Variants in CPT1A observed in about 807,000 individuals in gnomAD.
CPT1A encodes the protein carnitine O-palmitoyltransferase 1, liver isoform.
In CPT1A, 64 loss-of-function variants were observed where a neutral mutation model predicts 100.8. The ratio of observed to expected loss-of-function variants is 0.63; its 90% CI spans 0.52 to 0.78. CPT1A has a LOEUF of 0.78. CPT1A is among the 30% of genes least tolerant of loss of function. The pLI, the probability that CPT1A is intolerant of heterozygous loss-of-function variation, is 0.00. For synonymous variants in CPT1A, 363 were observed against 396.0 expected, an observed-to-expected ratio of 0.92 and a Z score of 0.99; for missense variants, 802 against 1,034.1, an observed-to-expected ratio of 0.78 and a Z score of 3.08.
chr11:68,807,807 C>T (rs1213800020), intron 3 of CPT1A, among the ~76,000 whole-genome samples, 169 bp from the exon 4 acceptor site: 1 of 152,248 alleles, frequency 6.6e-6, no homozygotes, highest in Admixed American at 6.5e-5. Context: ...TCTTAAAACA[C>T]TCACGGGCAC....
intron 9 of CPT1A, among the ~76,000 whole-genome samples, chr11:68,786,560 C>T (rs1226015752): frequency 6.6e-6 from 1 of 152,160 alleles, no homozygotes; most frequent in African/African-American, 2.4e-5. Flanking sequence ...GACGGAGTCT[C>T]GCTCTTATTG....
At chr11:68,827,726 C>A (rs1403402259) in intron 1 of CPT1A, among the ~76,000 whole-genome samples, 2 of 152,054 alleles carry the variant, frequency 1.3e-5, no homozygotes, top group Non-Finnish European at 2.9e-5. Flanking sequence ...CCCCAGAATG[C>A]GGGGCTCATC....
rs1177976460 is a variant in CPT1A, at chr11:68,838,571, T to TAAAAAAAAAAAAAAAAAAAAAAAAA, written c.-14+3203_-14+3204insTTTTTTTTTTTTTTTTTTTTTTTTT. 9.4e-5 allele frequency among the ~76,000 whole-genome samples: 7 copies of TAAAAAAAAAAAAAAAAAAAAAAAAA among 74,236 alleles called. 2 individuals are homozygous for TAAAAAAAAAAAAAAAAAAAAAAAAA. The highest frequency in any genetic ancestry group is 4.7e-4 in the South Asian group (1 of 2,144). 48.7% of individuals were successfully genotyped at this position (74,236 alleles called of 152,430 possible). On this transcript the variant is annotated intron_variant, in intron 1 of 18. Transcript: ENST00000265641. ...GACTCTACTCTGTATCTGCACCTTT[T>TAAAAAAAAAAAAAAAAAAAAAAAAA]TAAAAAAAAAAAAAAAAAAACAGAG...
chr11:68,760,840 C>T (rs886443174), intron 16 of CPT1A, among the ~76,000 whole-genome samples: 3 of 151,972 alleles, frequency 2.0e-5, no homozygotes, highest in African/African-American at 7.3e-5. Context: ...CGGTGAAACC[C>T]CGTCTCTACT....
chr11:68,776,569 T>C (rs1319844889), intron 12 of CPT1A, among the ~76,000 whole-genome samples: 3 of 152,076 alleles, frequency 2.0e-5, no homozygotes, highest in Admixed American at 2.0e-4. Flanking sequence ...GGATTTCTTT[T>C]GGAGGTGATA....
intron 4 of CPT1A, among the ~76,000 whole-genome samples, 171 bp from the exon 5 acceptor site, chr11:68,804,272 C>A (rs1036421819): frequency 1.3e-5 from 2 of 152,204 alleles, no homozygotes; most frequent in Non-Finnish European, 2.9e-5. Context: ...TTTTCCCGTG[C>A]GCACAATGTG....
At chr11:68,807,347 C>G in intron 4 of CPT1A, 120 bp downstream of exon 4, 1 of 1,045,040 alleles carries the variant, frequency 9.6e-7, no homozygotes, top group Non-Finnish European at 1.4e-6. Context: ...GGTTGAGGCC[C>G]AAGTCACCAA....
chr11:68,767,073 A>T (rs1203844098), intron 14 of CPT1A, among the ~76,000 whole-genome samples: 1 of 152,220 alleles, frequency 6.6e-6, no homozygotes, highest in Non-Finnish European at 1.5e-5. Context: ...ACTGATGAAC[A>T]CTGAGACTTC....
chr11:68,824,920 T>G (rs2154002120), intron 1 of CPT1A, among the ~76,000 whole-genome samples: 1 of 150,176 alleles, frequency 6.7e-6, no homozygotes, highest in South Asian at 2.2e-4. Context: ...TGCCTCAGCC[T>G]CCCCAGTAGC....
chr11:68,835,489 A>G (rs1671311406), intron 1 of CPT1A, among the ~76,000 whole-genome samples: 1 of 152,230 alleles, frequency 6.6e-6, no homozygotes, highest in African/African-American at 2.4e-5. Flanking sequence ...TGCAAAATAC[A>G]TTGGTGTCCC....
chr11:68,769,402 A>G (rs1854920780), intron 14 of CPT1A, among the ~76,000 whole-genome samples: 1 of 136,316 alleles, frequency 7.3e-6, no homozygotes, highest in African/African-American at 3.1e-5. Flanking sequence ...ATGCTGGGCT[A>G]ATTTTTTTTT....
rs184476440 is a variant in CPT1A, at chr11:68,787,267, T to G, written c.968-2257A>C. ...CTAGCTAATATGGTGAAACCCCATCTCTACTAAAAATACAAAAAATTAGCC... is the reference window on the plus strand; with the variant it reads ...CTAGCTAATATGGTGAAACCCCATCGCTACTAAAAATACAAAAAATTAGCC... On this transcript the variant is annotated intron_variant, in intron 9 of 18. Coordinates refer to ENST00000265641, the MANE Select transcript of CPT1A (RefSeq NM_001876.4). Among the ~76,000 whole-genome samples the G allele has an allele frequency of 5.3e-5, 8 of 151,912 alleles. No homozygotes were observed. In the East Asian group the frequency reaches 1.6e-3, roughly 30 times the overall value.
At chr11:68,793,043 A>G (rs1396133320) in intron 9 of CPT1A, among the ~76,000 whole-genome samples, 2 of 80,270 alleles carry the variant, frequency 2.5e-5, no homozygotes, top group Non-Finnish European at 4.7e-5. Context: ...GAGAGACCTC[A>G]TGTCAAAATA....
chr11:68,771,698 A>G (rs1231653104), intron 14 of CPT1A, among the ~76,000 whole-genome samples: 2 of 152,186 alleles, frequency 1.3e-5, no homozygotes, highest in Admixed American at 6.5e-5. Context: ...TGGCCCATTC[A>G]TTCCAGTTCA....
chr11:68,809,371 T>C (rs900989402), intron 3 of CPT1A, among the ~76,000 whole-genome samples: 1 of 152,224 alleles, frequency 6.6e-6, no homozygotes, highest in Non-Finnish European at 1.5e-5. Context: ...TTTAAAAGTA[T>C]AGACATAGAG....
intron 13 of CPT1A, among the ~76,000 whole-genome samples, chr11:68,774,668 G>C (rs191903614): frequency 2.2e-4 from 34 of 151,124 alleles, no homozygotes; most frequent in Admixed American, 8.6e-4. Flanking sequence ...TGTAATCCTA[G>C]CTACTTGGGA....
rs181691568 is a variant in CPT1A at position 68,786,994 on chromosome 11, T to C, written c.968-1984A>G. On this transcript the variant is annotated intron_variant, in intron 9 of 18. Coordinates refer to ENST00000265641, the MANE Select transcript of CPT1A (RefSeq NM_001876.4). ...ACACCATGACTATGTATATTCCACA[T>C]TACACTCAGGATGCTGGCCGGGCAA... Among the ~76,000 whole-genome samples, 29 of 152,288 alleles carry C rather than the reference T, an allele frequency of 1.9e-4. No individual in the cohort carries two copies. In the East Asian group the frequency reaches 5.4e-3, roughly 28 times the overall value.
chr11:68,827,082 CA>C (rs1313409027), intron 1 of CPT1A, among the ~76,000 whole-genome samples: 2 of 152,154 alleles, frequency 1.3e-5, no homozygotes, highest in East Asian at 3.9e-4. Context: ...ATAAGCCTCA[CA>C]AAAACTTTGG....
intron 1 of CPT1A, among the ~76,000 whole-genome samples, chr11:68,840,694 T>C (rs189391252): frequency 1.1e-4 from 17 of 152,354 alleles, no homozygotes; most frequent in African/African-American, 3.6e-4. Flanking sequence ...TCTGCGGCTT[T>C]AACGAAAGCC....
Sources: allele counts gnomAD v4.1 joint callset (sites outside exome capture counted in the v4.1 genomes callset), GRCh38; gene constraint gnomAD v4.1.1; transcripts MANE v1.5; gene names NCBI Gene and HGNC (gene_info 2026-07-23, HGNC 2026-07-21).